FAM149A: variants seen among roughly 807,000 people sequenced by gnomAD.
FAM149A encodes family with sequence similarity 149 member A, also known as protein FAM149A.
A neutral mutation model predicts 78.2 loss-of-function variants in FAM149A; 71 were observed. The ratio of observed to expected loss-of-function variants is 0.91; its 90% CI spans 0.75 to 1.11. The LOEUF (loss-of-function observed/expected upper bound fraction) is 1.11, where lower values mean the gene tolerates loss of function less well. FAM149A is among the 50% of genes least tolerant of loss of function. FAM149A has a pLI of 0.00. For missense variants in FAM149A, 1,036 were observed against 971.0 expected (o/e 1.07, Z -0.89); for synonymous variants, 446 against 410.5 (o/e 1.09, Z -1.04).
rs1347871909 is a variant in FAM149A, at chr4:186,172,738, C to A, written c.*751C>A. 8.9e-6 allele frequency: 1 copy of A among 112,110 alleles called. No individual in the cohort carries two copies. The highest frequency in any genetic ancestry group is 8.7e-5 in the Admixed American group (1 of 11,504). The allele number at this position is 112,110 out of a possible 1,614,324, so 6.9% of individuals were successfully genotyped here. On this transcript the variant is annotated 3_prime_UTR_variant, in exon 14 of 14. Coordinates refer to ENST00000389354, the MANE Select transcript of FAM149A (RefSeq NM_001367768.3). Reference sequence around the variant, plus strand: ...AGGGGAGCCTCCCACCCTCCACGTGCCATCAGGAGCTGGCCTTTGCCCAGA... The same window carrying A: ...AGGGGAGCCTCCCACCCTCCACGTGACATCAGGAGCTGGCCTTTGCCCAGA...
At chr4:186,125,309 C>G in intron 1 of FAM149A, 2 of 985,402 alleles carry the variant, frequency 2.0e-6, no homozygotes, top group Non-Finnish European at 2.4e-6. Context: ...CGAACCATAT[C>G]TTTCTCGTTG....
At chr4:186,132,162 T>G (rs980631927) in intron 1 of FAM149A, 2 of 985,340 alleles carry the variant, frequency 2.0e-6, no homozygotes, top group Non-Finnish European at 2.4e-6. Flanking sequence ...TTTTCCAGTT[T>G]ATGTCACTTT....
At chr4:186,161,011 A>G in intron 8 of FAM149A, 1 of 264,920 alleles carries the variant, frequency 3.8e-6, no homozygotes, top group Non-Finnish European at 5.8e-6. Flanking sequence ...TGTAGAGTGG[A>G]CGTTCAATAA....
chr4:186,132,450 C>T (rs982517818), intron 1 of FAM149A, among the ~76,000 whole-genome samples: 3 of 152,176 alleles, frequency 2.0e-5, no homozygotes, highest in Non-Finnish European at 4.4e-5. Flanking sequence ...TTGTTATGGG[C>T]TGAATGTCTG....
Position 186,153,739 on chromosome 4 carries a change from A to G in FAM149A, c.1027A>G (p.Ser343Gly), listed in dbSNP as rs1733800204. 1 of 1,612,726 alleles carries G rather than the reference A, an allele frequency of 6.2e-7. No individual in the cohort carries two copies. Among genetic ancestry groups the G allele is most frequent in the Non-Finnish European group, 8.5e-7 (1 of 1,178,934 alleles). The change falls in exon 5 of 14, where the codon AGT becomes GGT. Residue 343 changes from serine to glycine, a missense_variant. Ser to Gly is a moderately conservative substitution (Grantham distance 56). Coordinates refer to ENST00000389354, the MANE Select transcript of FAM149A (RefSeq NM_001367768.3). ...CTCCGCAGTCCACAGACCCCCGCTC[A>G]GTGCCTGCGGACACAGCAGCAACAT...
Position 186,149,562 on chromosome 4 carries a change from G to A in FAM149A, c.678-31G>A. 7.8e-7 allele frequency: 1 copy of A among 1,289,812 alleles called. No individual in the cohort carries two copies. Among genetic ancestry groups the A allele is most frequent in the Non-Finnish European group, 1.0e-6 (1 of 988,870 alleles). The allele number at this position is 1,289,812 out of a possible 1,614,324, so 79.9% of individuals were successfully genotyped here. ...GATTTCTTTGCTCATGTTCATTCCT[G>A]CAGCAAATCCTTGTCATCCTTTTCC... is the stretch of plus-strand genomic sequence containing the variant. On this transcript the variant is annotated intron_variant, in intron 2 of 13. Coordinates refer to ENST00000389354, the MANE Select transcript of FAM149A (RefSeq NM_001367768.3).
rs1440084288 is a variant in FAM149A, at chr4:186,105,465, C to T, written c.389C>T (p.Pro130Leu). The T allele has an allele frequency of 8.2e-7, 1 of 1,214,772 alleles. No homozygotes were observed. Among genetic ancestry groups the T allele is most frequent in the South Asian group, 1.4e-5 (1 of 71,236 alleles). 75.2% of individuals were successfully genotyped at this position (1,214,772 alleles called of 1,614,324 possible). Residue 130 changes from proline to leucine, a missense_variant, in exon 1 of 14, where the codon CCC (proline) becomes CTC (leucine). Transcript: ENST00000389354. ...CGCCTGGTGGTCCCAGCGCGGCCGCCCTCGGGCCCCGGCGGGGTCTGGGCC... is the reference window on the plus strand; with the variant it reads ...CGCCTGGTGGTCCCAGCGCGGCCGCTCTCGGGCCCCGGCGGGGTCTGGGCC...
intron 11 of FAM149A, among the ~76,000 whole-genome samples, chr4:186,166,389 G>C (rs758071505): frequency 6.6e-6 from 1 of 152,144 alleles, no homozygotes; most frequent in South Asian, 2.1e-4. Context: ...AGTGGCTCAC[G>C]CCTGTAATCC....
At chr4:186,130,431 C>T (rs1481269021) in intron 1 of FAM149A, among the ~76,000 whole-genome samples, 7 of 151,244 alleles carry the variant, frequency 4.6e-5, no homozygotes, top group Admixed American at 4.0e-4. Context: ...CTGGAGTGCA[C>T]GGGCATGATC....
At chr4:186,134,915 G>A (rs756712557) in intron 1 of FAM149A, among the ~76,000 whole-genome samples, 1 of 152,176 alleles carries the variant, frequency 6.6e-6, no homozygotes, top group Non-Finnish European at 1.5e-5. Flanking sequence ...TCAATATGAC[G>A]CAGTTCCTGG....
At chr4:186,168,966 C>CA in intron 13 of FAM149A, among the ~76,000 whole-genome samples, 1 of 152,216 alleles carries the variant, frequency 6.6e-6, no homozygotes, top group Admixed American at 6.5e-5. Flanking sequence ...TGAGGGCTGA[C>CA]AGATGACTCT....
At chr4:186,153,870 T>C in intron 5 of FAM149A, 100 bp downstream of exon 5, 1 of 1,382,920 alleles carries the variant, frequency 7.2e-7, no homozygotes, top group Non-Finnish European at 9.9e-7. Flanking sequence ...CCACCCATTT[T>C]GGAAATTTAG....
At chr4:186,161,880 C>G (rs1347627760) in intron 8 of FAM149A, among the ~76,000 whole-genome samples, 1 of 152,214 alleles carries the variant, frequency 6.6e-6, no homozygotes, top group African/African-American at 2.4e-5. Context: ...TCCTGTTCTC[C>G]TACATCTAAA....
At chr4:186,124,920 C>T (rs895165849) in intron 1 of FAM149A, among the ~76,000 whole-genome samples, 12 of 152,296 alleles carry the variant, frequency 7.9e-5, no homozygotes, top group Admixed American at 2.0e-4. Context: ...TCCTCTCCAG[C>T]ACCTGTTGTT....
In FAM149A at chr4:186,172,143, C is replaced by A; in HGVS notation, c.*156C>A. ...AACAAATAAATCACTTAATCTTGAACACTTTGCACTGTAAAGAGAGTGAAA... is the reference window on the plus strand; with the variant it reads ...AACAAATAAATCACTTAATCTTGAAAACTTTGCACTGTAAAGAGAGTGAAA... On this transcript the variant is annotated 3_prime_UTR_variant, in exon 14 of 14. Coordinates refer to ENST00000389354, the MANE Select transcript of FAM149A (RefSeq NM_001367768.3). 1 of 1,143,650 alleles carries A rather than the reference C, an allele frequency of 8.7e-7. No individual in the cohort carries two copies. Among genetic ancestry groups the A allele is most frequent in the Non-Finnish European group, 1.2e-6 (1 of 854,612 alleles). 70.8% of individuals were successfully genotyped at this position (1,143,650 alleles called of 1,614,324 possible). A position where few individuals can be genotyped will look rare whatever the true frequency, so the allele number is the denominator to read the frequency against.
chr4:186,105,273 C>T lies in FAM149A; in HGVS notation c.197C>T (p.Ser66Leu), dbSNP rs2099308293. The change falls in exon 1 of 14, where the codon TCG (serine) becomes TTG (leucine). Residue 66 changes from serine (S) to leucine (L), a missense_variant. Physicochemically the swap from Ser to Leu is moderately radical, Grantham distance 145 (BLOSUM62 -2). Coordinates refer to ENST00000389354, the MANE Select transcript of FAM149A (RefSeq NM_001367768.3). The stretch of plus-strand genomic sequence containing the variant: ...CTGGCTCCGGACTCCCCCTCCGCCT[C>T]GCGGCGGTCGCCCGCCCCGCTGCTC... 3 of 1,194,510 alleles carry T rather than the reference C, an allele frequency of 2.5e-6. No individual in the cohort carries two copies. The highest frequency in any genetic ancestry group is 3.2e-6 in the Non-Finnish European group (3 of 950,312). 74.0% of individuals were successfully genotyped at this position (1,194,510 alleles called of 1,614,324 possible).
chr4:186,148,840 T>C (rs1733245111), intron 1 of FAM149A, among the ~76,000 whole-genome samples: 1 of 152,166 alleles, frequency 6.6e-6, no homozygotes, highest in African/African-American at 2.4e-5. Flanking sequence ...ATCCCTGAAA[T>C]ACTGTGAACT....
intron 1 of FAM149A, chr4:186,132,306 C>T (rs891185682): frequency 2.5e-6 from 2 of 801,034 alleles, no homozygotes; most frequent in Non-Finnish European, 3.0e-6. Context: ...TTAAAAGCTA[C>T]AGTAAATAAG....
chr4:186,133,164 C>T (rs760066638), intron 1 of FAM149A: 12 of 985,414 alleles, frequency 1.2e-5, no homozygotes, highest in Non-Finnish European at 1.4e-5. Context: ...CTACATTCTG[C>T]AAGCTGGGAG....
Sources: gnomAD v4.1 joint callset for allele counts (sites outside exome capture counted in the v4.1 genomes callset) on GRCh38, gnomAD v4.1.1 for gene constraint, MANE v1.5 for transcripts, NCBI Gene and HGNC (gene_info 2026-07-23, HGNC 2026-07-21) for gene names.